Variants in TNFSF13B observed in about 807,000 individuals in gnomAD.
The protein encoded by TNFSF13B is TNF superfamily member 13b.
In TNFSF13B, 8 loss-of-function variants were observed where a neutral mutation model predicts 29.1. That is an observed-to-expected ratio of 0.27 (90% CI 0.16 to 0.50). The LOEUF (loss-of-function observed/expected upper bound fraction) is 0.50. Ranked by LOEUF, TNFSF13B falls within the 20% of genes least tolerant of loss-of-function variation. TNFSF13B has a pLI of 0.98. For synonymous variants in TNFSF13B, 125 were observed against 130.8 expected (o/e 0.96, Z 0.30); for missense variants, 248 against 334.9 (o/e 0.74, Z 2.03).
chr13:108,279,542 G>A (rs1199657470), intron 2 of TNFSF13B, among the ~76,000 whole-genome samples: 3 of 152,174 alleles, frequency 2.0e-5, no homozygotes, highest in Non-Finnish European at 4.4e-5. Context: ...AACTGGGTTT[G>A]GGTGGGTGAC....
At chr13:108,291,050 T>C (rs1471660504) in intron 3 of TNFSF13B, among the ~76,000 whole-genome samples, 1 of 151,946 alleles carries the variant, frequency 6.6e-6, no homozygotes, top group Non-Finnish European at 1.5e-5. Context: ...ATTCCATGTT[T>C]AGTCTATGTT....
chr13:108,283,833 A>G (rs1466971423), intron 2 of TNFSF13B, among the ~76,000 whole-genome samples: 1 of 152,174 alleles, frequency 6.6e-6, no homozygotes, highest in African/African-American at 2.4e-5. Flanking sequence ...AGGGCAAGCT[A>G]GCCCTTTGGG....
At chr13:108,287,656 A>G (rs1207747791) in intron 3 of TNFSF13B, among the ~76,000 whole-genome samples, 1 of 152,206 alleles carries the variant, frequency 6.6e-6, no homozygotes, top group African/African-American at 2.4e-5. Context: ...GTTATATTCA[A>G]TTGTAAAAAT....
At chr13:108,277,407 C>G (rs1880792100) in intron 2 of TNFSF13B, among the ~76,000 whole-genome samples, 1 of 152,116 alleles carries the variant, frequency 6.6e-6, no homozygotes, top group Non-Finnish European at 1.5e-5. Flanking sequence ...CCCATTGTTA[C>G]AGGACCCAAC....
intron 2 of TNFSF13B, among the ~76,000 whole-genome samples, chr13:108,276,456 G>A (rs1415887247): frequency 2.6e-5 from 4 of 152,170 alleles, no homozygotes; most frequent in Non-Finnish European, 4.4e-5. Context: ...TTTGGGAAAC[G>A]GAAGAGCTAG....
intron 3 of TNFSF13B, among the ~76,000 whole-genome samples, chr13:108,290,821 C>T (rs1011789740): frequency 6.6e-6 from 1 of 151,720 alleles, no homozygotes; most frequent in South Asian, 2.1e-4. Flanking sequence ...TTAGAAAGAC[C>T]TTTTACACTT....
chr13:108,272,816 G>A (rs1369364371), intron 2 of TNFSF13B, among the ~76,000 whole-genome samples: 8 of 150,902 alleles, frequency 5.3e-5, no homozygotes, highest in Admixed American at 1.3e-4. Context: ...TAATATCCCC[G>A]TTTCTAAATA....
intron 3 of TNFSF13B, among the ~76,000 whole-genome samples, chr13:108,297,846 A>G (rs1881496614): frequency 6.9e-6 from 1 of 145,660 alleles, no homozygotes; most frequent in Non-Finnish European, 1.5e-5. Flanking sequence ...AGTTTACATT[A>G]GGGTTCACCT....
At chr13:108,289,657 AT>A (rs1277219475) in intron 3 of TNFSF13B, among the ~76,000 whole-genome samples, 4 of 148,646 alleles carry the variant, frequency 2.7e-5, no homozygotes, top group Non-Finnish European at 4.5e-5. Context: ...TATTATTAGC[AT>A]ATTGTATATA....
intron 2 of TNFSF13B, among the ~76,000 whole-genome samples, chr13:108,280,946 A>G (rs1278043767): frequency 6.6e-6 from 1 of 152,118 alleles, no homozygotes; most frequent in Admixed American, 6.5e-5. Flanking sequence ...AGGTATTTAG[A>G]GGTATTAGAG....
At chr13:108,285,981 T>C (rs1232100647) in intron 2 of TNFSF13B, among the ~76,000 whole-genome samples, 2 of 152,274 alleles carry the variant, frequency 1.3e-5, no homozygotes, top group East Asian at 1.9e-4. Context: ...CAATGTTATT[T>C]AGTTTCTTAA....
At position 108,303,739 on chromosome 13, in the gene TNFSF13B, G is replaced by A; in HGVS notation, c.745+135G>A. The stretch of plus-strand genomic sequence containing the variant: ...ACAGAAAGACATTCCTCAATATATT[G>A]TGTTTTTTAAATCTTGAATAATAAG... On this transcript the variant is annotated intron_variant, in intron 5 of 5. Coordinates refer to ENST00000375887, the MANE Select transcript of TNFSF13B (RefSeq NM_006573.5). The A allele has an allele frequency of 3.3e-6, 3 of 916,566 alleles. No individual in the cohort carries two copies. The South Asian group carries it at 5.4e-5, about 17-fold the overall frequency. 56.8% of individuals were successfully genotyped at this position (916,566 alleles called of 1,614,324 possible).
At chr13:108,292,701 T>C (rs775768307) in intron 3 of TNFSF13B, among the ~76,000 whole-genome samples, 18 of 152,300 alleles carry the variant, frequency 1.2e-4, no homozygotes, top group Middle Eastern at 3.4e-3. Context: ...CATCTTTTCA[T>C]GTCCTTTTTG....
At chr13:108,288,506 C>A (rs550345206) in intron 3 of TNFSF13B, among the ~76,000 whole-genome samples, 1 of 152,274 alleles carries the variant, frequency 6.6e-6, no homozygotes, top group East Asian at 1.9e-4. Flanking sequence ...TGGGCAAAAT[C>A]ATCTAACATG....
intron 3 of TNFSF13B, among the ~76,000 whole-genome samples, chr13:108,296,259 A>G (rs568379704): frequency 2.7e-5 from 4 of 145,854 alleles, no homozygotes; most frequent in South Asian, 4.3e-4. Flanking sequence ...ATCTGCTTAT[A>G]TCTTGAGGTT....
intron 2 of TNFSF13B, among the ~76,000 whole-genome samples, chr13:108,282,513 G>A (rs935385569): frequency 3.3e-5 from 5 of 152,010 alleles, no homozygotes; most frequent in African/African-American, 1.2e-4. Flanking sequence ...TTTCCCATAT[G>A]GTTAGTATTT....
At chr13:108,276,495 T>G (rs1880765714) in intron 2 of TNFSF13B, among the ~76,000 whole-genome samples, 1 of 152,232 alleles carries the variant, frequency 6.6e-6, no homozygotes, top group African/African-American at 2.4e-5. Context: ...CAGCCAAATG[T>G]GATATTGTGT....
Position 108,279,201 on chromosome 13 carries a change from A to AT in TNFSF13B, c.425-7593dup, listed in dbSNP as rs946146776. 7.1e-4 allele frequency among the ~76,000 whole-genome samples: 108 copies of AT among 151,692 alleles called. 1 individual carries two copies. The highest frequency in any genetic ancestry group is 2.5e-3 in the African/African-American group (105 of 41,370). On this transcript the variant is annotated intron_variant, in intron 2 of 5. Transcript: ENST00000375887. ...AATTGTTTCATATATTATTCCACGG[A>AT]TTTTTTTTTAAGTCTGCTGTAAATC...
chr13:108,271,045 T>C (rs1594513152), intron 2 of TNFSF13B, among the ~76,000 whole-genome samples: 1 of 152,130 alleles, frequency 6.6e-6, no homozygotes, highest in Non-Finnish European at 1.5e-5. Flanking sequence ...ATTTATCGTC[T>C]TCTTATAATC....
Sources: allele counts gnomAD v4.1 joint callset (sites outside exome capture counted in the v4.1 genomes callset), GRCh38; gene constraint gnomAD v4.1.1; transcripts MANE v1.5; gene names NCBI Gene and HGNC (gene_info 2026-07-23, HGNC 2026-07-21).